CASQ1: variants seen among roughly 807,000 people sequenced by gnomAD.
The protein encoded by CASQ1 is calsequestrin 1.
A neutral mutation model predicts 49.5 loss-of-function variants in CASQ1; 40 were observed. That is an observed-to-expected ratio of 0.81 (90% CI 0.63 to 1.05). The LOEUF is 1.05. CASQ1 is among the 50% of genes least tolerant of loss of function. The pLI, the probability that CASQ1 is intolerant of heterozygous loss-of-function variation, is 0.00. For synonymous variants in CASQ1, 174 were observed against 187.2 expected, an observed-to-expected ratio of 0.93 and a Z score of 0.58; for missense variants, 469 against 486.9, an observed-to-expected ratio of 0.96 and a Z score of 0.35.
chr1:160,199,505 C>T (rs1265385285), intron 9 of CASQ1, among the ~76,000 whole-genome samples: 2 of 152,156 alleles, frequency 1.3e-5, no homozygotes, highest in African/African-American at 4.8e-5. Flanking sequence ...ACCAGGTATA[C>T]TTGCCTTATT....
Position 160,198,712 on chromosome 1 carries a change from C to T in CASQ1, c.864C>T (p.Phe288=), listed in dbSNP as rs1318640852. Residue 288 remains phenylalanine, a synonymous_variant, in exon 8 of 11, where the codon TTC becomes TTT. Transcript: ENST00000368078. ...TGGATGGAATCCACATTGTGGCCTT[C>T]GCAGAGGAAGCTGATCCTGGTGAGG... The part of the protein sequence containing the change: ...DDMDGIHIVA[F]AEEADPDGFE... The T allele has an allele frequency of 3.7e-6, 6 of 1,613,614 alleles. No individual in the cohort carries two copies. The highest frequency in any genetic ancestry group is 2.2e-5 in the East Asian group (1 of 44,878).
At position 160,195,503 on chromosome 1, in the gene CASQ1, A is replaced by G. The variant is rs1399613026; in HGVS notation, c.620A>G (p.Tyr207Cys). The change falls in exon 5 of 11, where the codon TAC (tyrosine) becomes TGC (cysteine). Residue 207 changes from tyrosine to cysteine, a missense_variant. Physicochemically the swap from Tyr to Cys is radical, Grantham distance 194. Transcript: ENST00000368078. Reference protein sequence around the residue: ...FEDAAEEFHPYIPFFATFDSK... With the variant: ...FEDAAEEFHPCIPFFATFDSK... ...GATGCAGCTGAGGAGTTTCATCCCTACATCCCCTTCTTCGCCACCTTCGAC... is the reference window on the plus strand; with the variant it reads ...GATGCAGCTGAGGAGTTTCATCCCTGCATCCCCTTCTTCGCCACCTTCGAC... 6.2e-7 allele frequency: 1 copy of G among 1,613,912 alleles called. No homozygotes were observed. Among genetic ancestry groups the G allele is most frequent in the Non-Finnish European group, 8.5e-7 (1 of 1,179,960 alleles).
Position 160,190,742 on chromosome 1 carries a change from C to G in CASQ1, c.-10C>G. On this transcript the variant is annotated 5_prime_UTR_variant, in exon 1 of 11. Transcript: ENST00000368078. ...GGACCAGGAGAGCCAACCCAGATCCCACTACCTCCATGAGTGCTACAGACA... is the reference window on the plus strand; with the variant it reads ...GGACCAGGAGAGCCAACCCAGATCCGACTACCTCCATGAGTGCTACAGACA... 6.2e-7 allele frequency: 1 copy of G among 1,610,886 alleles called. No homozygotes were observed. The highest frequency in any genetic ancestry group is 8.5e-7 in the Non-Finnish European group (1 of 1,177,528).
At chr1:160,192,541 G>C (rs1470940048) in intron 1 of CASQ1, 4 of 400,354 alleles carry the variant, frequency 1.0e-5, no homozygotes, top group Non-Finnish European at 1.8e-5. Flanking sequence ...TAGGCACTGG[G>C]AAGTATTGAG....
chr1:160,199,946 C>T, intron 10 of CASQ1, 21 bp downstream of exon 10: 1 of 1,535,702 alleles, frequency 6.5e-7, no homozygotes, highest in Non-Finnish European at 9.0e-7. Flanking sequence ...TGTCCTCATC[C>T]CGGGTTGACC....
intron 1 of CASQ1, among the ~76,000 whole-genome samples, chr1:160,192,103 C>T (rs559569775): frequency 4.6e-4 from 70 of 152,308 alleles, no homozygotes; most frequent in Admixed American, 7.8e-4. Flanking sequence ...CAGGGTTGAA[C>T]GCTAAGCTGG....
chr1:160,200,054 G>A (rs1654333144), intron 10 of CASQ1, 129 bp downstream of exon 10: 4 of 693,340 alleles, frequency 5.8e-6, no homozygotes, highest in Non-Finnish European at 1.1e-5. Flanking sequence ...TCTAGTGGCT[G>A]GATGGAGGGG....
chr1:160,193,656 C>T (rs3747621), intron 2 of CASQ1, 91 bp from the exon 3 acceptor site: 402,378 of 764,352 alleles, frequency 0.53, 109,301 homozygotes, highest in East Asian at 0.71. Flanking sequence ...GATTATCAAA[C>T]GGGCTGTGGC....
At chr1:160,198,010 C>CA (rs949198266) in intron 7 of CASQ1, among the ~76,000 whole-genome samples, 10 of 146,844 alleles carry the variant, frequency 6.8e-5, no homozygotes, top group East Asian at 2.0e-4. Context: ...GACTCCGTCT[C>CA]AAAAAAAAAG....
chr1:160,196,408 A>C (rs1307507360), intron 6 of CASQ1, among the ~76,000 whole-genome samples: 1 of 152,002 alleles, frequency 6.6e-6, no homozygotes, highest in Non-Finnish European at 1.5e-5. Context: ...ACAGGTAATA[A>C]GTGTCAGAGC....
At chr1:160,193,901 C>T in intron 3 of CASQ1, 54 bp downstream of exon 3, 3 of 1,167,054 alleles carry the variant, frequency 2.6e-6, no homozygotes, top group South Asian at 1.2e-5. Flanking sequence ...CTGCCTGCCC[C>T]CTAGTCCCTA....
chr1:160,195,017 A>G lies in CASQ1; in HGVS notation c.471A>G (p.Leu157=). 6.3e-7 allele frequency: 1 copy of G among 1,598,712 alleles called. No homozygotes were observed. ...DTIVEFLLDV[L]EDPVELIEGE... ...GCAATGTCCTCCTCTTTCAGGTCCTAGAGGACCCTGTGGAATTGATTGAAG... is the reference window on the plus strand; with the variant it reads ...GCAATGTCCTCCTCTTTCAGGTCCTGGAGGACCCTGTGGAATTGATTGAAG... Residue 157 remains leucine, a synonymous_variant, in exon 4 of 11, where the codon CTA becomes CTG. Coordinates refer to ENST00000368078, the MANE Select transcript of CASQ1 (RefSeq NM_001231.5).
rs1654381151 is a variant in CASQ1 at position 160,201,689 on chromosome 1, G to A, written c.*313G>A. Reference sequence around the variant, plus strand: ...GTGATTCTCCTCTAGCCATATATATGGGCCCCATCTCTGTTCTGTTCCCTC... The same window carrying A: ...GTGATTCTCCTCTAGCCATATATATAGGCCCCATCTCTGTTCTGTTCCCTC... On this transcript the variant is annotated 3_prime_UTR_variant, in exon 11 of 11. Transcript: ENST00000368078. The A allele has an allele frequency of 4.9e-6, 2 of 410,964 alleles. No individual in the cohort carries two copies. Among genetic ancestry groups the A allele is most frequent in the Admixed American group, 7.2e-5 (2 of 27,718 alleles). The allele number at this position is 410,964 out of a possible 1,614,324, so 25.5% of individuals were successfully genotyped here.
At position 160,195,457 on chromosome 1, in the gene CASQ1, C is replaced by A. The variant is rs1224466252; in HGVS notation, c.578-4C>A. 1 of 1,613,898 alleles carries A rather than the reference C, an allele frequency of 6.2e-7. No homozygotes were observed. Among genetic ancestry groups the A allele is most frequent in the Non-Finnish European group, 8.5e-7 (1 of 1,179,788 alleles). ...AGAGACTGACTCTGCATTCCACCCC[C>A]CAGATTACAAAGCCTTCGAGGATGC... On this transcript the variant is annotated splice_region_variant and splice_polypyrimidine_tract_variant and intron_variant, in intron 4 of 10. Transcript: ENST00000368078.
In CASQ1 at chr1:160,195,016, T is replaced by C; in HGVS notation, c.470T>C (p.Leu157Pro). 1.2e-6 allele frequency: 2 copies of C among 1,602,768 alleles called. No homozygotes were observed. The highest frequency in any genetic ancestry group is 1.7e-6 in the Non-Finnish European group (2 of 1,172,404). The part of the protein sequence containing the change: ...DTIVEFLLDV[L>P]EDPVELIEGE... ...TGCAATGTCCTCCTCTTTCAGGTCC[T>C]AGAGGACCCTGTGGAATTGATTGAA... Residue 157 changes from leucine to proline, a missense_variant, in exon 4 of 11, where the codon CTA becomes CCA. Coordinates refer to ENST00000368078, the MANE Select transcript of CASQ1 (RefSeq NM_001231.5).
chr1:160,196,172 G>A, intron 6 of CASQ1, 145 bp downstream of exon 6: 2 of 690,988 alleles, frequency 2.9e-6, no homozygotes, highest in Non-Finnish European at 4.7e-6. Context: ...AGTGCTCTCT[G>A]ATACACTGAC....
Position 160,199,848 on chromosome 1 carries a change from C to A in CASQ1, c.985-3C>A. Reference sequence around the variant, plus strand: ...AAGTTGCTGTATTTTGATCTCTCTACAGCTGGTCCCATACTGGGAGAAGAC... The same window carrying A: ...AAGTTGCTGTATTTTGATCTCTCTAAAGCTGGTCCCATACTGGGAGAAGAC... On this transcript the variant is annotated splice_region_variant and splice_polypyrimidine_tract_variant and intron_variant, in intron 9 of 10. Transcript: ENST00000368078. 1 of 1,604,774 alleles carries A rather than the reference C, an allele frequency of 6.2e-7. No individual in the cohort carries two copies. The highest frequency in any genetic ancestry group is 8.5e-7 in the Non-Finnish European group (1 of 1,171,434).
In CASQ1 at chr1:160,196,007, C is replaced by T. The variant is rs1402274756; in HGVS notation, c.762C>T (p.Asn254=). 1 of 1,613,858 alleles carries T rather than the reference C, an allele frequency of 6.2e-7. No homozygotes were observed. Among genetic ancestry groups the T allele is most frequent in the Non-Finnish European group, 8.5e-7 (1 of 1,179,970 alleles). Residue 254 remains asparagine (N), a synonymous_variant, in exon 6 of 11, where the codon AAC becomes AAT. Coordinates refer to ENST00000368078, the MANE Select transcript of CASQ1 (RefSeq NM_001231.5). ...DKPNSEEEIV[N]FVEEHRRSTL... ...CCAATAGCGAAGAGGAGATTGTCAA[C>T]TTCGTGGAGGAGCACAGGAGGTGGG... is the stretch of plus-strand genomic sequence containing the variant.
intron 10 of CASQ1, 136 bp from the exon 11 acceptor site, chr1:160,201,102 CTGGACAG>C: frequency 1.2e-6 from 1 of 854,022 alleles, no homozygotes; most frequent in Non-Finnish European, 1.9e-6. Context: ...ATACCTTCAC[CTGGACAG>C]TTTCCCTGGC....
Sources: allele counts gnomAD v4.1 joint callset (sites outside exome capture counted in the v4.1 genomes callset), GRCh38; gene constraint gnomAD v4.1.1; transcripts MANE v1.5; gene names NCBI Gene and HGNC (gene_info 2026-07-23, HGNC 2026-07-21).